FBXL18: variants seen among roughly 807,000 people sequenced by gnomAD.
FBXL18 encodes the protein F-box/LRR-repeat protein 18.
In FBXL18, 36 loss-of-function variants were observed where a neutral mutation model predicts 46.0. That is an observed-to-expected ratio of 0.78 (90% CI 0.60 to 1.03). The LOEUF (loss-of-function observed/expected upper bound fraction) is 1.03, where lower values mean the gene tolerates loss of function less well. Among genes scored for constraint, FBXL18 ranks in the 50% least tolerant of loss-of-function variants. The pLI is 0.00. For synonymous variants in FBXL18, 557 were observed against 465.3 expected (o/e 1.20, Z -2.54); for missense variants, 977 against 1,004.1 (o/e 0.97, Z 0.36).
rs1355266460 is a variant in FBXL18 at position 5,478,555 on chromosome 7, G to A, written c.*3220C>T. On this transcript the variant is annotated 3_prime_UTR_variant, in exon 5 of 5. Coordinates refer to ENST00000382368, the MANE Select transcript of FBXL18 (RefSeq NM_024963.6). ...TAGCAGCTAGGTGTGGGGTGAGCTG[G>A]GAGCACAGGCAGGAGGGGGCAGCCA... 6.6e-6 allele frequency: 1 copy of A among 152,444 alleles called. No individual in the cohort carries two copies. The highest frequency in any genetic ancestry group is 1.5e-5 in the Non-Finnish European group (1 of 68,198). 9.4% of individuals were successfully genotyped at this position (152,444 alleles called of 1,614,324 possible).
rs374634728 is a variant in FBXL18 at position 5,463,706 on chromosome 7, T to TATATATATA, written c.2001-15864_2001-15863insTATATATAT. On this transcript the variant is annotated intron_variant and NMD_transcript_variant, in intron 4 of 6. Coordinates refer to the FBXL18 transcript ENST00000415009. ...TCATGCCCCTGAACTATATATATATTTATTTATTTATTTATTTATTTATTT... is the reference window on the plus strand; with the variant it reads ...TCATGCCCCTGAACTATATATATATTATATATATATATTTATTTATTTATTTATTTATTT... Among the ~76,000 whole-genome samples the TATATATATA allele has an allele frequency of 3.5e-3, 210 of 59,422 alleles. 6 individuals carry two copies. The highest frequency in any genetic ancestry group is 0.011 in the African/African-American group (153 of 13,518). The allele number at this position is 59,422 out of a possible 152,430, so 39.0% of individuals were successfully genotyped here.
intron 2 of FBXL18, among the ~76,000 whole-genome samples, chr7:5,503,621 A>C (rs1369409592): frequency 6.6e-6 from 1 of 151,990 alleles, no homozygotes; most frequent in Non-Finnish European, 1.5e-5. Flanking sequence ...CAGCCTCCCA[A>C]AATGCTGGCA....
intron 4 of FBXL18, among the ~76,000 whole-genome samples, chr7:5,484,186 G>C (rs562438561): frequency 6.6e-6 from 1 of 152,172 alleles, no homozygotes; most frequent in Non-Finnish European, 1.5e-5. Flanking sequence ...AGCTGCTGTC[G>C]GCTGGCCGTG....
chr7:5,497,620 AC>A (rs1784117023), intron 3 of FBXL18, among the ~76,000 whole-genome samples: 1 of 145,332 alleles, frequency 6.9e-6, no homozygotes, highest in Non-Finnish European at 1.5e-5. Flanking sequence ...TCCCGAGCAG[AC>A]CCGGCCACTT....
At chr7:5,462,970 ATAT>A (rs1421744747) in intron 4 of FBXL18, among the ~76,000 whole-genome samples, 9 of 13,826 alleles carry the variant, frequency 6.5e-4, no homozygotes, top group Admixed American at 1.0e-3. Context: ...AAAAAAAAAA[ATAT>A]ATATATATAT....
intron 4 of FBXL18, among the ~76,000 whole-genome samples, chr7:5,484,337 G>C (rs1783720894): frequency 6.6e-6 from 1 of 152,058 alleles, no homozygotes; most frequent in Non-Finnish European, 1.5e-5. Flanking sequence ...CGGGCGTGGT[G>C]GTGGGCGCCT....
At chr7:5,488,725 G>C (rs1379549020) in intron 4 of FBXL18, among the ~76,000 whole-genome samples, 5 of 152,172 alleles carry the variant, frequency 3.3e-5, no homozygotes, top group African/African-American at 4.8e-5. Context: ...GCAAGCGTAT[G>C]GGGGGCGAAG....
intron 1 of FBXL18, among the ~76,000 whole-genome samples, chr7:5,508,328 T>C (rs1005390353): frequency 1.0e-4 from 15 of 148,382 alleles, no homozygotes; most frequent in African/African-American, 3.7e-4. Flanking sequence ...GCACCTGTAA[T>C]CCCAGCTACT....
intron 3 of FBXL18, among the ~76,000 whole-genome samples, chr7:5,491,783 CT>C (rs1211223239): frequency 1.3e-5 from 2 of 152,230 alleles, no homozygotes; most frequent in Non-Finnish European, 2.9e-5. Context: ...CCCAGGCACC[CT>C]ATCTTCCTCA....
At chr7:5,497,353 C>A (rs1421639053) in intron 3 of FBXL18, among the ~76,000 whole-genome samples, 2 of 152,124 alleles carry the variant, frequency 1.3e-5, no homozygotes, top group African/African-American at 4.8e-5. Context: ...ATAACCACCC[C>A]GCTCCCCACG....
At chr7:5,457,298 T>C (rs1413936068) in intron 4 of FBXL18, among the ~76,000 whole-genome samples, 2 of 152,338 alleles carry the variant, frequency 1.3e-5, no homozygotes, top group African/African-American at 4.8e-5. Flanking sequence ...CTCATTCCCC[T>C]GGTCAGAGCA....
intron 4 of FBXL18, among the ~76,000 whole-genome samples, chr7:5,461,798 A>G (rs1305923430): frequency 6.6e-6 from 1 of 152,126 alleles, no homozygotes; most frequent in Non-Finnish European, 1.5e-5. Context: ...AAAATTGGCC[A>G]GGCATGATGG....
Position 5,513,666 on chromosome 7 carries a change from G to T in FBXL18, c.9C>A (p.Ser3Arg). Reference sequence around the variant, plus strand: ...CAGTCGCGGACAGTACCTCTCCGGAGCTGGCCATGTCGCCGGCGGGTCCGA... The same window carrying T: ...CAGTCGCGGACAGTACCTCTCCGGATCTGGCCATGTCGCCGGCGGGTCCGA... The part of the protein sequence containing the change: MA[S>R]SGEDISNDDD... The change falls in exon 1 of 5, where the codon AGC (serine) becomes AGA (arginine). Residue 3 changes from serine (S) to arginine (R), a missense_variant. By Grantham distance (110) the Ser-to-Arg change is moderately radical. Transcript: ENST00000382368. 1 of 1,610,274 alleles carries T rather than the reference G, an allele frequency of 6.2e-7. No homozygotes were observed. The highest frequency in any genetic ancestry group is 1.1e-5 in the South Asian group (1 of 90,566).
chr7:5,458,019 G>A (rs1021685961), intron 4 of FBXL18, among the ~76,000 whole-genome samples: 1 of 152,124 alleles, frequency 6.6e-6, no homozygotes, highest in Non-Finnish European at 1.5e-5. Flanking sequence ...CATTGCTCCG[G>A]CGGATTCAAG....
At chr7:5,500,308 C>A (rs907316424) in intron 3 of FBXL18, among the ~76,000 whole-genome samples, 180 bp downstream of exon 3, 1 of 152,066 alleles carries the variant, frequency 6.6e-6, no homozygotes, top group Non-Finnish European at 1.5e-5. Context: ...CCTCCTGCAC[C>A]CCCAGCTCCT....
chr7:5,477,315 C>G lies in FBXL18; in HGVS notation c.*4460G>C, dbSNP rs1225585169. Among the ~76,000 whole-genome samples the G allele has an allele frequency of 1.3e-5, 2 of 152,176 alleles. No individual in the cohort carries two copies. The highest frequency in any genetic ancestry group is 4.8e-5 in the African/African-American group (2 of 41,438). On this transcript the variant is annotated 3_prime_UTR_variant, in exon 5 of 5. Transcript: ENST00000382368. The surrounding 1 kb of genome is among the most constrained non-coding windows in gnomAD (Gnocchi z 4.4). ...GGCAGCAGCGCTCTGCCCACGTCCA[C>G]AGGAAGTGGCCGACGTCTCCTCTGC...
At position 5,490,159 on chromosome 7, in the gene FBXL18, T is replaced by A. The variant is rs143962727; in HGVS notation, c.2000+1072A>T. 1.2e-3 allele frequency: 1,644 copies of A among 1,357,602 alleles called. 20 individuals are homozygous for A. In the African/African-American group the frequency reaches 0.023, roughly 19 times the overall value. 84.1% of individuals were successfully genotyped at this position (1,357,602 alleles called of 1,614,324 possible). A position where few individuals can be genotyped will look rare whatever the true frequency, so the allele number is the denominator to read the frequency against. On this transcript the variant is annotated intron_variant, in intron 4 of 4. Coordinates refer to ENST00000382368, the MANE Select transcript of FBXL18 (RefSeq NM_024963.6). Reference sequence around the variant, plus strand: ...GGCTCGAGACGTCCTGGCTGATGGCTCTTCTCGCAACTCTGTGAACAGCTG... The same window carrying A: ...GGCTCGAGACGTCCTGGCTGATGGCACTTCTCGCAACTCTGTGAACAGCTG...
intron 4 of FBXL18, among the ~76,000 whole-genome samples, chr7:5,462,037 C>T (rs928347766): frequency 2.6e-5 from 4 of 152,044 alleles, no homozygotes; most frequent in Admixed American, 2.6e-4. Flanking sequence ...AGGTCGAGTT[C>T]GAGACTAGCC....
At chr7:5,472,596 T>G (rs1467033690), downstream of FBXL18, among the ~76,000 whole-genome samples, 1 of 151,868 alleles carries the variant, frequency 6.6e-6, no homozygotes, top group African/African-American at 2.4e-5. Context: ...TGGAGAGGTC[T>G]CATGGAGAGG....
Sources: gnomAD v4.1 joint callset for allele counts (sites outside exome capture counted in the v4.1 genomes callset) on GRCh38, gnomAD v4.1.1 for gene constraint, Gnocchi (gnomAD v3.1) non-coding constraint, MANE v1.5 for transcripts, NCBI Gene and HGNC (gene_info 2026-07-23, HGNC 2026-07-21) for gene names.